The following FASLG variants were observed in gnomAD, a reference collection of about 807,000 sequenced individuals.
FASLG encodes the protein Fas ligand.
FASLG carries 9 observed loss-of-function variants against 24.6 expected under a neutral mutation model. The observed-to-expected ratio is 0.37, with a 90% confidence interval of 0.22 to 0.64. The LOEUF is 0.64. FASLG is among the 30% of genes least tolerant of loss of function. The pLI, the probability that FASLG is intolerant of heterozygous loss-of-function variation, is 0.64. For synonymous variants in FASLG, 130 were observed against 135.5 expected (o/e 0.96, Z 0.28); for missense variants, 306 against 345.3 (o/e 0.89, Z 0.90).
intron 2 of FASLG, among the ~76,000 whole-genome samples, chr1:172,662,051 G>A (rs1046544662): frequency 2.6e-5 from 4 of 151,750 alleles, no homozygotes; most frequent in East Asian, 3.9e-4. Context: ...TGCCTCATAC[G>A]AGATTAGTTA....
In FASLG at chr1:172,664,387, A is replaced by C; in HGVS notation, c.448A>C (p.Thr150Pro). 1 of 1,614,048 alleles carries C rather than the reference A, an allele frequency of 6.2e-7. No individual in the cohort carries two copies. The highest frequency in any genetic ancestry group is 8.5e-7 in the Non-Finnish European group (1 of 1,179,932). ...KKELRKVAHLTGKSNSRSMPL... is the reference protein window; with the variant it reads ...KKELRKVAHLPGKSNSRSMPL... ...GGAGCTGAGGAAAGTGGCCCATTTA[A>C]CAGGTCTGTATCTGGAAGGTACAGG... The change falls in exon 3 of 4, where the codon ACA becomes CCA. Residue 150 changes from threonine to proline, a missense_variant. Physicochemically the swap from Thr to Pro is conservative, Grantham distance 38. Transcript: ENST00000367721.
intron 2 of FASLG, among the ~76,000 whole-genome samples, chr1:172,661,673 C>A (rs1201602854): frequency 6.6e-6 from 1 of 151,984 alleles, no homozygotes; most frequent in Non-Finnish European, 1.5e-5. Flanking sequence ...ATTGGTAAAT[C>A]ATCACATGGA....
intron 2 of FASLG, among the ~76,000 whole-genome samples, chr1:172,663,889 A>AT (rs1659193713): frequency 6.6e-6 from 1 of 152,154 alleles, no homozygotes; most frequent in African/African-American, 2.4e-5. Context: ...GAGCCCTGGA[A>AT]TTGGCGTCAG....
chr1:172,663,743 A>G (rs958462715), intron 2 of FASLG, among the ~76,000 whole-genome samples: 3 of 152,192 alleles, frequency 2.0e-5, no homozygotes, highest in Non-Finnish European at 4.4e-5. Flanking sequence ...GGTGATTGTC[A>G]GAGGTCTTAA....
rs530627650 is a variant in FASLG, at chr1:172,666,097, C to T, written c.*81C>T. 5 of 1,561,202 alleles carry T rather than the reference C, an allele frequency of 3.2e-6. No homozygotes were observed. The highest frequency in any genetic ancestry group is 2.7e-5 in the African/African-American group (2 of 73,750). On this transcript the variant is annotated 3_prime_UTR_variant, in exon 4 of 4. Transcript: ENST00000367721. ...GTTGTATTCAGTGAGGGTCTTCTTA[C>T]ATGCATTTGAGGTCAAGTAAGAAGA...
chr1:172,663,209 C>T (rs1659179811), intron 2 of FASLG, among the ~76,000 whole-genome samples: 2 of 152,142 alleles, frequency 1.3e-5, no homozygotes, highest in Admixed American at 6.5e-5. Flanking sequence ...ATTGTCTATC[C>T]TTCCATTTAA....
In FASLG at chr1:172,664,323, CTA is replaced by C. The variant is rs1558234808; in HGVS notation, c.395-9_395-8del. The C allele has an allele frequency of 7.4e-6, 12 of 1,613,658 alleles. No homozygotes were observed. Among genetic ancestry groups the C allele is most frequent in the Non-Finnish European group, 1.0e-5 (12 of 1,179,730 alleles). ...ATTTTAACATATATTTTTCCTCTCT[CTA>C]TGATACAGGCCACCCCAGTCCACCC... On this transcript the variant is annotated splice_polypyrimidine_tract_variant and intron_variant, in intron 2 of 3. Transcript: ENST00000367721.
rs1025692384 is a variant in FASLG at position 172,666,330 on chromosome 1, A to G, written c.*314A>G. 2 of 335,872 alleles carry G rather than the reference A, an allele frequency of 6.0e-6. No homozygotes were observed. Among genetic ancestry groups the G allele is most frequent in the Admixed American group, 7.9e-5 (2 of 25,268 alleles). 20.8% of individuals were successfully genotyped at this position (335,872 alleles called of 1,614,324 possible). On this transcript the variant is annotated 3_prime_UTR_variant, in exon 4 of 4. Transcript: ENST00000367721. The stretch of plus-strand genomic sequence containing the variant: ...CCTGAGAGTATTTAGGCAGATTGAA[A>G]AGGACACCTTTTAACTCACCTCTCA...
Position 172,666,111 on chromosome 1 carries a change from C to T in FASLG, c.*95C>T. The T allele has an allele frequency of 6.7e-7, 1 of 1,495,908 alleles. No homozygotes were observed. Among genetic ancestry groups the T allele is most frequent in the East Asian group, 2.3e-5 (1 of 44,152 alleles). 92.7% of individuals were successfully genotyped at this position (1,495,908 alleles called of 1,614,324 possible). A position where few individuals can be genotyped will look rare whatever the true frequency, so the allele number is the denominator to read the frequency against. ...GGGTCTTCTTACATGCATTTGAGGT[C>T]AAGTAAGAAGACATGAACCAAGTGG... On this transcript the variant is annotated 3_prime_UTR_variant, in exon 4 of 4. Coordinates refer to ENST00000367721, the MANE Select transcript of FASLG (RefSeq NM_000639.3).
In FASLG at chr1:172,666,468, T is replaced by TGAAAGAGGCC. The variant is rs1467873555; in HGVS notation, c.*453_*462dup. ...GGCTTGCATAATAAGCTAAAGAGGC[T>TGAAAGAGGCC]GAAAGAGGCCAATGCCCCACTGGCA... is the stretch of plus-strand genomic sequence containing the variant. On this transcript the variant is annotated 3_prime_UTR_variant, in exon 4 of 4. Coordinates refer to ENST00000367721, the MANE Select transcript of FASLG (RefSeq NM_000639.3). 1 of 162,844 alleles carries TGAAAGAGGCC rather than the reference T, an allele frequency of 6.1e-6. No individual in the cohort carries two copies. The highest frequency in any genetic ancestry group is 2.4e-5 in the African/African-American group (1 of 41,646). 10.1% of individuals were successfully genotyped at this position (162,844 alleles called of 1,614,324 possible). A position where few individuals can be genotyped will look rare whatever the true frequency, so the allele number is the denominator to read the frequency against.
At chr1:172,660,476 G>A (rs998853174) in intron 2 of FASLG, among the ~76,000 whole-genome samples, 1 of 152,144 alleles carries the variant, frequency 6.6e-6, no homozygotes, top group Non-Finnish European at 1.5e-5. Context: ...CCTGGTCCTG[G>A]CACACACGCC....
At chr1:172,661,712 AAAG>A (rs1659146348) in intron 2 of FASLG, among the ~76,000 whole-genome samples, 1 of 152,212 alleles carries the variant, frequency 6.6e-6, no homozygotes, top group Non-Finnish European at 1.5e-5. Flanking sequence ...ACTAATAAGA[AAAG>A]AGATGCAAAT....
chr1:172,664,197 A>C, intron 2 of FASLG, 137 bp from the exon 3 acceptor site: 1 of 856,294 alleles, frequency 1.2e-6, no homozygotes, highest in Non-Finnish European at 1.9e-6. Context: ...GTTCAGACCT[A>C]CATGATTAGT....
Position 172,664,396 on chromosome 1 carries a change from T to A in FASLG, c.451+6T>A. On this transcript the variant is annotated splice_donor_region_variant and intron_variant, in intron 3 of 3. Transcript: ENST00000367721. The stretch of plus-strand genomic sequence containing the variant: ...GAAAGTGGCCCATTTAACAGGTCTG[T>A]ATCTGGAAGGTACAGGTGAGATTTG... 1 of 1,613,986 alleles carries A rather than the reference T, an allele frequency of 6.2e-7. No homozygotes were observed. The highest frequency in any genetic ancestry group is 8.5e-7 in the Non-Finnish European group (1 of 1,179,882).
intron 2 of FASLG, among the ~76,000 whole-genome samples, chr1:172,662,349 C>A (rs973803903): frequency 2.0e-4 from 31 of 152,116 alleles, no homozygotes; most frequent in African/African-American, 4.8e-5. Context: ...TTACATTTTC[C>A]ATTTTTTTCC....
At position 172,659,535 on chromosome 1, in the gene FASLG, G is replaced by A; in HGVS notation, c.334G>A (p.Ala112Thr). 6.2e-7 allele frequency: 1 copy of A among 1,613,752 alleles called. No individual in the cohort carries two copies. The highest frequency in any genetic ancestry group is 8.5e-7 in the Non-Finnish European group (1 of 1,179,980). The stretch of plus-strand genomic sequence containing the variant: ...GCTCTTCCACCTACAGAAGGAGCTG[G>A]CAGAACTCCGAGAGGTAAGCCTGCC... ...FQLFHLQKEL[A>T]ELRESTSQMH... The change falls in exon 1 of 4, where the codon GCA (alanine) becomes ACA (threonine). Residue 112 changes from alanine (A) to threonine (T), a missense_variant. Ala to Thr is a moderately conservative substitution (Grantham distance 58). Transcript: ENST00000367721.
At chr1:172,659,583 G>C in intron 1 of FASLG, 34 bp downstream of exon 1, 2 of 1,610,746 alleles carry the variant, frequency 1.2e-6, no homozygotes, top group Non-Finnish European at 1.7e-6. Context: ...TGCCCTGGAG[G>C]CACCAGGCAT....
intron 3 of FASLG, among the ~76,000 whole-genome samples, chr1:172,664,729 C>T (rs1306965818): frequency 6.6e-6 from 1 of 152,140 alleles, no homozygotes; most frequent in Non-Finnish European, 1.5e-5. Context: ...GGAATGAGGA[C>T]TTATTTTAGT....
rs1006840943 is a variant in FASLG, at chr1:172,661,468, C to T, written c.394+1328C>T. On this transcript the variant is annotated intron_variant, in intron 2 of 3. Coordinates refer to ENST00000367721, the MANE Select transcript of FASLG (RefSeq NM_000639.3). Reference sequence around the variant, plus strand: ...GGAAATATTTGATAGAAAAGTAAAGCCTCTGGAGGACGTCTGAAATAAGAT... The same window carrying T: ...GGAAATATTTGATAGAAAAGTAAAGTCTCTGGAGGACGTCTGAAATAAGAT... 2.0e-5 allele frequency among the ~76,000 whole-genome samples: 3 copies of T among 152,098 alleles called. 1 individual carries two copies. The highest frequency in any genetic ancestry group is 2.4e-5 in the African/African-American group (1 of 41,394).
Sources: allele counts gnomAD v4.1 joint callset (sites outside exome capture counted in the v4.1 genomes callset), GRCh38; gene constraint gnomAD v4.1.1; transcripts MANE v1.5; gene names NCBI Gene and HGNC (gene_info 2026-07-23, HGNC 2026-07-21).